BCAS3: variants seen among roughly 807,000 people sequenced by gnomAD.
The protein encoded by BCAS3 is BCAS4/BCAS3 fusion.
BCAS3 carries 53 observed loss-of-function variants against 116.1 expected under a neutral mutation model. The observed-to-expected ratio is 0.46, with a 90% CI of 0.37 to 0.57. The LOEUF (loss-of-function observed/expected upper bound fraction) is 0.57, where lower values mean the gene tolerates loss of function less well. Among genes scored for constraint, BCAS3 ranks in the 20% least tolerant of loss-of-function variants. BCAS3 has a pLI of 0.00. For missense variants in BCAS3, 917 were observed against 1,165.4 expected, an observed-to-expected ratio of 0.79 and a Z score of 3.10; for synonymous variants, 391 against 408.2, an observed-to-expected ratio of 0.96 and a Z score of 0.51.
At chr17:61,275,793 G>A (rs765369517) in intron 22 of BCAS3, among the ~76,000 whole-genome samples, 7 of 152,164 alleles carry the variant, frequency 4.6e-5, no homozygotes, top group Admixed American at 6.5e-5. Context: ...CCACAGCACC[G>A]TGTGCCCTAC....
chr17:60,879,412 G>C (rs993269672), intron 9 of BCAS3, among the ~76,000 whole-genome samples: 2 of 152,196 alleles, frequency 1.3e-5, no homozygotes, highest in African/African-American at 4.8e-5. Context: ...TGTGCCAAAG[G>C]GTGGAAGGAA....
At chr17:60,679,613 A>G in intron 2 of BCAS3, 73 bp downstream of exon 2, 1 of 1,223,762 alleles carries the variant, frequency 8.2e-7, no homozygotes, top group Non-Finnish European at 1.2e-6. Flanking sequence ...GGTTTTCTTT[A>G]TGAACAGTGG....
At position 61,012,475 on chromosome 17, in the gene BCAS3, A is replaced by C. The variant is rs2065177763; in HGVS notation, c.1487-3276A>C. Among the ~76,000 whole-genome samples the C allele has an allele frequency of 6.6e-6, 1 of 152,066 alleles. No homozygotes were observed. The highest frequency in any genetic ancestry group is 1.5e-5 in the Non-Finnish European group (1 of 67,954). ...TACCCTACTGAAGACTATTAGAGTT[A>C]GCTTTTTCTCTGAGTTTGTCTTCTT... is the stretch of plus-strand genomic sequence containing the variant. On this transcript the variant is annotated intron_variant, in intron 15 of 23. Transcript: ENST00000407086. The surrounding 1 kb of genome is among the most constrained non-coding windows in gnomAD (Gnocchi z 4.5).
At chr17:61,149,349 T>A (rs2077419390) in intron 22 of BCAS3, among the ~76,000 whole-genome samples, 1 of 152,192 alleles carries the variant, frequency 6.6e-6, no homozygotes, top group African/African-American at 2.4e-5. Flanking sequence ...GCAAGAAGAT[T>A]ATTCGAGAAG....
At chr17:60,755,567 T>A (rs2042916587) in intron 6 of BCAS3, among the ~76,000 whole-genome samples, 1 of 152,220 alleles carries the variant, frequency 6.6e-6, no homozygotes, top group South Asian at 2.1e-4. Flanking sequence ...TTAAGCCTCT[T>A]TATACACACA....
intron 19 of BCAS3, chr17:61,070,009 C>T (rs1182687581): frequency 6.3e-6 from 10 of 1,593,990 alleles, no homozygotes; most frequent in East Asian, 4.5e-5. Flanking sequence ...ACCCACCTTC[C>T]GGCAGCCGAA....
intron 22 of BCAS3, among the ~76,000 whole-genome samples, chr17:61,310,429 C>T (rs1043410991): frequency 1.3e-5 from 2 of 152,052 alleles, no homozygotes; most frequent in African/African-American, 4.8e-5. Context: ...TAGTGCATGC[C>T]TGTAATCCCA....
rs1568276201 is a variant in BCAS3, at chr17:61,068,663, T to C, written c.2030-6257T>C. Among the ~76,000 whole-genome samples, 1 of 152,208 alleles carries C rather than the reference T, an allele frequency of 6.6e-6. No individual in the cohort carries two copies. The highest frequency in any genetic ancestry group is 2.1e-4 in the South Asian group (1 of 4,832). On this transcript the variant is annotated intron_variant, in intron 19 of 23. Coordinates refer to ENST00000407086, the MANE Select transcript of BCAS3 (RefSeq NM_017679.5). The surrounding 1 kb of genome is among the most constrained non-coding windows in gnomAD (Gnocchi z 4.3). ...CCACTTCCCTTAACTCTGCCCAAGA[T>C]TGAAGACATAAGTTTTCACCGCCAT...
intron 22 of BCAS3, among the ~76,000 whole-genome samples, chr17:61,262,660 C>T (rs1006530070): frequency 2.0e-5 from 3 of 150,978 alleles, no homozygotes; most frequent in Non-Finnish European, 4.4e-5. Flanking sequence ...GGATTACAGG[C>T]GTGAGCCACC....
chr17:60,739,884 T>C (rs536175665), intron 5 of BCAS3, among the ~76,000 whole-genome samples: 1 of 147,132 alleles, frequency 6.8e-6, no homozygotes, highest in Non-Finnish European at 1.5e-5. Flanking sequence ...TTTGTTTTTG[T>C]TTTTTTTTTT....
At chr17:60,888,525 A>C (rs2056900417) in intron 9 of BCAS3, among the ~76,000 whole-genome samples, 1 of 152,200 alleles carries the variant, frequency 6.6e-6, no homozygotes, top group Non-Finnish European at 1.5e-5. Flanking sequence ...TTAATGAATA[A>C]GATTAATCTA....
chr17:60,848,506 A>G (rs528733017), intron 7 of BCAS3, among the ~76,000 whole-genome samples: 1 of 152,306 alleles, frequency 6.6e-6, no homozygotes, highest in Non-Finnish European at 1.5e-5. Flanking sequence ...AGAATATATT[A>G]TCTGTGAATA....
chr17:61,127,329 A>G (rs2143844126), intron 22 of BCAS3, among the ~76,000 whole-genome samples: 1 of 152,198 alleles, frequency 6.6e-6, no homozygotes, highest in Admixed American at 6.5e-5. Context: ...GGTAACCATT[A>G]GGTTTATAAA....
rs145916173 is a variant in BCAS3, at chr17:61,110,882, G to A, written c.2425+26318G>A. Reference sequence around the variant, plus strand: ...TAGAGAGCAGTGGTTCTCCCAGCACGCAGCTGGAGATCTGAAAACGGGCAG... The same window carrying A: ...TAGAGAGCAGTGGTTCTCCCAGCACACAGCTGGAGATCTGAAAACGGGCAG... On this transcript the variant is annotated intron_variant, in intron 22 of 23. Coordinates refer to ENST00000407086, the MANE Select transcript of BCAS3 (RefSeq NM_017679.5). Among the ~76,000 whole-genome samples the A allele has an allele frequency of 3.9e-3, 591 of 152,338 alleles. 5 individuals are homozygous for A. The highest frequency in any genetic ancestry group is 0.013 in the African/African-American group (557 of 41,578).
chr17:60,870,153 G>A (rs1383792332), intron 8 of BCAS3, among the ~76,000 whole-genome samples: 1 of 152,128 alleles, frequency 6.6e-6, no homozygotes, highest in East Asian at 1.9e-4. Context: ...GAAACCGTAC[G>A]TATCAATAAA....
chr17:61,209,201 T>G (rs796526959), intron 22 of BCAS3, among the ~76,000 whole-genome samples: 10 of 151,364 alleles, frequency 6.6e-5, no homozygotes, highest in African/African-American at 2.4e-4. Context: ...AAAAAAATCT[T>G]GTTCTGATAA....
intron 6 of BCAS3, among the ~76,000 whole-genome samples, chr17:60,781,769 C>T (rs969005356): frequency 6.6e-6 from 1 of 151,998 alleles, no homozygotes; most frequent in Non-Finnish European, 1.5e-5. Flanking sequence ...TATTTCTTTA[C>T]CTATTTTTCA....
chr17:61,357,277 T>C (rs28711049), intron 22 of BCAS3, among the ~76,000 whole-genome samples: 2 of 144,820 alleles, frequency 1.4e-5, no homozygotes, highest in Admixed American at 1.4e-4. Context: ...AATTAATTAA[T>C]TAAATAAATA....
intron 6 of BCAS3, among the ~76,000 whole-genome samples, chr17:60,753,585 A>G (rs1029768660): frequency 7.8e-6 from 1 of 128,662 alleles, no homozygotes; most frequent in African/African-American, 2.5e-5. Flanking sequence ...AATTTTTTGT[A>G]TTTTTAGTAG....
Sources: allele counts gnomAD v4.1 joint callset (sites outside exome capture counted in the v4.1 genomes callset), GRCh38; gene constraint gnomAD v4.1.1; non-coding constraint Gnocchi (gnomAD v3.1); transcripts MANE v1.5; gene names NCBI Gene and HGNC (gene_info 2026-07-23, HGNC 2026-07-21).